TET2: variants seen among roughly 807,000 people sequenced by gnomAD.
The protein encoded by TET2 is tet methylcytosine dioxygenase 2, also known as methylcytosine dioxygenase TET2.
In TET2, 299 loss-of-function variants were observed where a neutral mutation model predicts 142.9. The observed-to-expected ratio is 2.09, with a 90% CI of 1.90 to 2.30. TET2 has a LOEUF of 2.30. TET2 is among the 30% of genes most tolerant of loss of function. TET2 has a pLI of 0.00. For missense variants in TET2, 2,418 were observed against 2,378.0 expected, an observed-to-expected ratio of 1.02 and a Z score of -0.35; for synonymous variants, 819 against 849.0, an observed-to-expected ratio of 0.96 and a Z score of 0.61.
intron 2 of TET2, among the ~76,000 whole-genome samples, chr4:105,209,224 T>C (rs907187644): frequency 1.3e-5 from 2 of 151,274 alleles, no homozygotes; most frequent in Non-Finnish European, 3.0e-5. Context: ...GCTCACTAAG[T>C]TTGAGTCTGA....
intron 2 of TET2, among the ~76,000 whole-genome samples, chr4:105,210,867 G>A (rs935428208): frequency 3.3e-5 from 5 of 152,096 alleles, no homozygotes; most frequent in Admixed American, 2.6e-4. Context: ...ATGTATCTAT[G>A]TTTTATACTT....
rs910925211 is a variant in TET2 at position 105,241,895 on chromosome 4, G to A, written c.3500+466G>A. On this transcript the variant is annotated intron_variant, in intron 4 of 10. Coordinates refer to ENST00000380013, the MANE Select transcript of TET2 (RefSeq NM_001127208.3). The stretch of plus-strand genomic sequence containing the variant: ...CTTTTACCATAAAAAGAGAGCAAGT[G>A]TGATATGTTGAATAGAAAGAGAAAC... 6 of 1,243,470 alleles carry A rather than the reference G, an allele frequency of 4.8e-6. No homozygotes were observed. The South Asian group carries it at 2.5e-4, about 51-fold the overall frequency. The allele number at this position is 1,243,470 out of a possible 1,614,324, so 77.0% of individuals were successfully genotyped here.
chr4:105,179,670 A>G (rs545483945), intron 1 of TET2, among the ~76,000 whole-genome samples: 1 of 152,304 alleles, frequency 6.6e-6, no homozygotes, highest in East Asian at 1.9e-4. Context: ...GATTTGTGTC[A>G]CCTCTGACCT....
intron 3 of TET2, chr4:105,240,822 T>A (rs1002560571): frequency 5.6e-6 from 6 of 1,079,534 alleles, no homozygotes; most frequent in Non-Finnish European, 6.8e-6. Context: ...GGATTGACTA[T>A]TCTTATTTGC....
chr4:105,255,471 G>A (rs1730076505), intron 6 of TET2, among the ~76,000 whole-genome samples: 1 of 152,080 alleles, frequency 6.6e-6, no homozygotes, highest in African/African-American at 2.4e-5. Flanking sequence ...TTGGTGGGTG[G>A]CATGTTTTAT....
At chr4:105,224,921 G>C (rs1578652808) in intron 2 of TET2, among the ~76,000 whole-genome samples, 1 of 152,074 alleles carries the variant, frequency 6.6e-6, no homozygotes, top group South Asian at 2.1e-4. Context: ...GCATTACAAA[G>C]AACATTAGAT....
chr4:105,165,834 A>G (rs1273773313), intron 1 of TET2, among the ~76,000 whole-genome samples: 1 of 152,182 alleles, frequency 6.6e-6, no homozygotes, highest in African/African-American at 2.4e-5. Flanking sequence ...AAATACTACA[A>G]TCTTAAGTAT....
At chr4:105,231,225 A>G (rs1728488233) in intron 2 of TET2, among the ~76,000 whole-genome samples, 1 of 152,148 alleles carries the variant, frequency 6.6e-6, no homozygotes. Flanking sequence ...ATTTTTCCAA[A>G]TGAACTTTGG....
Position 105,272,629 on chromosome 4 carries a change from C to T in TET2, c.4248C>T (p.His1416=), listed in dbSNP as rs377706110. The stretch of plus-strand genomic sequence containing the variant: ...GAAAACCTGAGGATGAGCAGCTTCA[C>T]GTTCTGCCTTTATACAAAGTCTCTG... The part of the protein sequence containing the change: ...FGGKPEDEQL[H]VLPLYKVSDV... The change falls in exon 10 of 11, where the codon CAC becomes CAT. Residue 1416 remains histidine (H), a synonymous_variant. Coordinates refer to ENST00000380013, the MANE Select transcript of TET2 (RefSeq NM_001127208.3). 52 of 1,551,094 alleles carry T rather than the reference C, an allele frequency of 3.4e-5. No homozygotes were observed. Among genetic ancestry groups the T allele is most frequent in the Non-Finnish European group, 4.4e-5 (50 of 1,146,858 alleles).
intron 6 of TET2, among the ~76,000 whole-genome samples, chr4:105,255,209 G>A (rs1189748349): frequency 6.6e-6 from 1 of 152,116 alleles, no homozygotes; most frequent in African/African-American, 2.4e-5. Context: ...TAAAATATGA[G>A]TATGTCGAGT....
intron 4 of TET2, chr4:105,242,083 G>C: frequency 1.6e-6 from 2 of 1,213,968 alleles, no homozygotes; most frequent in Non-Finnish European, 2.1e-6. Flanking sequence ...CTTCTAGGGT[G>C]CCTTTTCATT....
chr4:105,276,240 A>G lies in TET2; in HGVS notation c.5730A>G (p.Pro1910=), dbSNP rs377311293. Residue 1910 remains proline, a synonymous_variant, in exon 11 of 11, where the codon CCA becomes CCG. Coordinates refer to ENST00000380013, the MANE Select transcript of TET2 (RefSeq NM_001127208.3). ...ACCAGCATAAGAGCATGAATGAGCCAAAACATGGCTTGGCTCTTTGGGAAG... is the reference window on the plus strand; with the variant it reads ...ACCAGCATAAGAGCATGAATGAGCCGAAACATGGCTTGGCTCTTTGGGAAG... The part of the protein sequence containing the change: ...VFYQHKSMNE[P]KHGLALWEAK... The G allele has an allele frequency of 6.4e-7, 1 of 1,551,690 alleles. No individual in the cohort carries two copies. The highest frequency in any genetic ancestry group is 1.4e-5 in the African/African-American group (1 of 73,176).
chr4:105,232,744 T>A (rs1014074304), intron 2 of TET2, among the ~76,000 whole-genome samples: 1 of 152,208 alleles, frequency 6.6e-6, no homozygotes, highest in African/African-American at 2.4e-5. Flanking sequence ...ACAGCCTGTA[T>A]GCGGGGGGAA....
At chr4:105,190,297 T>G in intron 1 of TET2, 63 bp from the exon 2 acceptor site, 1 of 556,854 alleles carries the variant, frequency 1.8e-6, no homozygotes, top group East Asian at 2.9e-5. Flanking sequence ...ACTCTTTATA[T>G]CAGGTGTATA....
rs114531767 is a variant in TET2 at position 105,248,136 on chromosome 4, T to C, written c.3803+4358T>C. On this transcript the variant is annotated intron_variant, in intron 6 of 10. Coordinates refer to ENST00000380013, the MANE Select transcript of TET2 (RefSeq NM_001127208.3). ...ACATCAGGAGACACATAATGTCTGTTTGTTTCCCATTTTAGTGATATTAAG... is the reference window on the plus strand; with the variant it reads ...ACATCAGGAGACACATAATGTCTGTCTGTTTCCCATTTTAGTGATATTAAG... Among the ~76,000 whole-genome samples, 313 of 152,078 alleles carry C rather than the reference T, an allele frequency of 2.1e-3. 2 individuals are homozygous for C. Among genetic ancestry groups the C allele is most frequent in the African/African-American group, 7.2e-3 (296 of 41,388 alleles).
At chr4:105,199,965 C>G (rs1726347974) in intron 2 of TET2, among the ~76,000 whole-genome samples, 1 of 151,936 alleles carries the variant, frequency 6.6e-6, no homozygotes, top group Admixed American at 6.6e-5. Context: ...TAGGTTGATT[C>G]CATGTCTTTG....
At chr4:105,249,495 T>G (rs1358073743) in intron 6 of TET2, among the ~76,000 whole-genome samples, 1 of 152,232 alleles carries the variant, frequency 6.6e-6, no homozygotes, top group Non-Finnish European at 1.5e-5. Flanking sequence ...ATGGTAACTT[T>G]ATGTTTAACT....
At position 105,190,473 on chromosome 4, in the gene TET2, A is replaced by T; in HGVS notation, c.-79A>T. 1 of 702,204 alleles carries T rather than the reference A, an allele frequency of 1.4e-6. No individual in the cohort carries two copies. Among genetic ancestry groups the T allele is most frequent in the South Asian group, 1.5e-5 (1 of 67,572 alleles). 43.5% of individuals were successfully genotyped at this position (702,204 alleles called of 1,614,324 possible). ...GCTCAGCAGCAGCCAATAGGACATG[A>T]TCCAGGAAGAGCAGTAAGGGACTGA... is the stretch of plus-strand genomic sequence containing the variant. On this transcript the variant is annotated 5_prime_UTR_variant, in exon 2 of 11. It removes the in-frame stop codon of an upstream open reading frame in the 5' UTR. Transcript: ENST00000380013.
chr4:105,269,634 G>C lies in TET2; in HGVS notation c.4069G>C (p.Glu1357Gln), dbSNP rs1167715130. Residue 1357 changes from glutamate to glutamine, a missense_variant, in exon 9 of 11, where the codon GAG (glutamate) becomes CAG (glutamine). Coordinates refer to ENST00000380013, the MANE Select transcript of TET2 (RefSeq NM_001127208.3). ...GATTGAATATGAACACAGAGCACCA[G>C]AGTGCCGTCTGGGTCTGAAGGAAGG... ...NQIEYEHRAP[E>Q]CRLGLKEGRP... 1 of 1,551,514 alleles carries C rather than the reference G, an allele frequency of 6.4e-7. No homozygotes were observed. Among genetic ancestry groups the C allele is most frequent in the African/African-American group, 1.4e-5 (1 of 73,020 alleles).
Sources: allele counts gnomAD v4.1 joint callset (sites outside exome capture counted in the v4.1 genomes callset), GRCh38; gene constraint gnomAD v4.1.1; transcripts MANE v1.5; gene names NCBI Gene and HGNC (gene_info 2026-07-23, HGNC 2026-07-21).